The following MAP3K12 variants were observed in gnomAD, a reference collection of about 807,000 sequenced individuals.
MAP3K12 encodes MAPK-upstream kinase.
MAP3K12 carries 14 observed loss-of-function variants against 87.5 expected under a neutral mutation model. That is an observed-to-expected ratio of 0.16 (90% confidence interval 0.11 to 0.25). The LOEUF (loss-of-function observed/expected upper bound fraction) is 0.25. Among genes scored for constraint, MAP3K12 ranks in the 10% least tolerant of loss-of-function variants. The pLI is 1.00. For synonymous variants in MAP3K12, 469 were observed against 452.5 expected (o/e 1.04, Z -0.46); for missense variants, 802 against 1,140.4 (o/e 0.70, Z 4.27).
rs532619978 is a variant in MAP3K12 at position 53,485,593 on chromosome 12, TCA to T, written c.822-120_822-119del. On this transcript the variant is annotated intron_variant, in intron 4 of 13. Coordinates refer to ENST00000547488, the MANE Select transcript of MAP3K12 (RefSeq NM_001193511.2). ...TTGTTTGAGACGGAGTCTCACTCTGTCACTCAGGCTGGAGTGCAGTGGCTCAA... is the reference window on the plus strand; with the variant it reads ...TTGTTTGAGACGGAGTCTCACTCTGTCTCAGGCTGGAGTGCAGTGGCTCAA... The T allele has an allele frequency of 1.8e-3, 2,113 of 1,175,842 alleles. 3 individuals are homozygous for T. Among genetic ancestry groups the T allele is most frequent in the Non-Finnish European group, 2.3e-3 (1,938 of 827,902 alleles). The allele number at this position is 1,175,842 out of a possible 1,614,324, so 72.8% of individuals were successfully genotyped here. A position where few individuals can be genotyped will look rare whatever the true frequency, so the allele number is the denominator to read the frequency against.
At chr12:53,481,310 T>G (rs1943031096) in intron 13 of MAP3K12, 30 bp from the exon 14 acceptor site, 21 of 1,266,130 alleles carry the variant, frequency 1.7e-5, no homozygotes, top group East Asian at 8.5e-5. Context: ...TGGAGTGAGA[T>G]TCCTTGGGGT....
chr12:53,491,301 A>AAAAAAAGAAAAG (rs796169121), intron 1 of MAP3K12, among the ~76,000 whole-genome samples: 19 of 101,594 alleles, frequency 1.9e-4, no homozygotes, highest in East Asian at 9.2e-4. Flanking sequence ...AAAAAAAAAA[A>AAAAAAAGAAAAG]AAAAGAAAAG....
intron 1 of MAP3K12, among the ~76,000 whole-genome samples, chr12:53,495,943 GA>G (rs1285439991): frequency 1.3e-5 from 2 of 151,958 alleles, no homozygotes; most frequent in African/African-American, 2.4e-5. Context: ...TACTATTTAG[GA>G]AAAAAGAATC....
Position 53,486,400 on chromosome 12 carries a change from A to G in MAP3K12, c.629+39T>C, listed in dbSNP as rs1943229605. On this transcript the variant is annotated intron_variant, in intron 3 of 13. Coordinates refer to ENST00000547488, the MANE Select transcript of MAP3K12 (RefSeq NM_001193511.2). This position sits in a 1 kb window ranked among gnomAD's most constrained non-coding sequence, Gnocchi z 4.9. ...GCCCAGGAGGGTACCAGGCCTTAGC[A>G]TAGTATCCCCAACACCCAGCCCCTG... The G allele has an allele frequency of 6.2e-7, 1 of 1,606,422 alleles. No individual in the cohort carries two copies. Among genetic ancestry groups the G allele is most frequent in the Non-Finnish European group, 8.5e-7 (1 of 1,175,338 alleles).
chr12:53,495,579 C>T (rs896851055), intron 1 of MAP3K12, among the ~76,000 whole-genome samples: 1 of 146,364 alleles, frequency 6.8e-6, no homozygotes, highest in Admixed American at 6.9e-5. Context: ...TTGTAGAGAC[C>T]ATGTCTCATT....
chr12:53,481,480 G>A (rs1943042194), intron 13 of MAP3K12, 200 bp from the exon 14 acceptor site: 1 of 316,938 alleles, frequency 3.2e-6, no homozygotes. Context: ...CTTCTGAGTA[G>A]CTGGGACTAC....
chr12:53,501,498 G>A (rs1359174950), upstream of MAP3K12: 7 of 1,554,076 alleles, frequency 4.5e-6, no homozygotes, highest in Admixed American at 7.8e-5. Flanking sequence ...AGGGCGAAAA[G>A]CGTGGGGCCG....
At chr12:53,493,157 G>C (rs1283429273) in intron 1 of MAP3K12, 3 of 152,460 alleles carry the variant, frequency 2.0e-5, no homozygotes, top group African/African-American at 4.8e-5. Flanking sequence ...GACTGGGCCT[G>C]AGGCGGCGCG....
Position 53,481,064 on chromosome 12 carries a change from A to G in MAP3K12, c.*118T>C, listed in dbSNP as rs1218043524. ...AGGGGATCAGTCTCCCTCGAGCCTG[A>G]CTTACGGCTGGGACAGCCCCATCTT... On this transcript the variant is annotated 3_prime_UTR_variant, in exon 14 of 14. Coordinates refer to ENST00000547488, the MANE Select transcript of MAP3K12 (RefSeq NM_001193511.2). 1.2e-5 allele frequency: 4 copies of G among 345,498 alleles called. No individual in the cohort carries two copies. The East Asian group carries it at 3.4e-4, about 30-fold the overall frequency. 21.4% of individuals were successfully genotyped at this position (345,498 alleles called of 1,614,324 possible).
At position 53,482,226 on chromosome 12, in the gene MAP3K12, G is replaced by T. The variant is rs371400197; in HGVS notation, c.2310-15C>A. On this transcript the variant is annotated splice_polypyrimidine_tract_variant and intron_variant, in intron 12 of 13. Coordinates refer to ENST00000547488, the MANE Select transcript of MAP3K12 (RefSeq NM_001193511.2). ...TCTGAGGCCACCTACATGTTGAAGA[G>T]GGGGATTACAGCTTGGTTCTGCCCC... 6.2e-7 allele frequency: 1 copy of T among 1,614,030 alleles called. No homozygotes were observed. Among genetic ancestry groups the T allele is most frequent in the South Asian group, 1.1e-5 (1 of 91,088 alleles).
At chr12:53,481,820 AT>A in intron 13 of MAP3K12, 120 bp downstream of exon 13, 1 of 1,247,146 alleles carries the variant, frequency 8.0e-7, no homozygotes, top group Non-Finnish European at 1.1e-6. Flanking sequence ...CCACGTGGAT[AT>A]TTGCTCTTTA....
chr12:53,484,444 G>T, intron 6 of MAP3K12, 79 bp from the exon 7 acceptor site: 1 of 1,013,988 alleles, frequency 9.9e-7, no homozygotes, highest in Non-Finnish European at 1.5e-6. Flanking sequence ...CTTTCCCAAA[G>T]TGTGTCCTGG....
In MAP3K12 at chr12:53,481,253, AGTC is replaced by A; in HGVS notation, c.2605_2607del (p.Asp869del). On this transcript the variant is annotated inframe_deletion, in exon 14 of 14. Transcript: ENST00000547488. The stretch of plus-strand genomic sequence containing the variant: ...GAGTTGTCCAATTCAGTGCTGTCAC[AGTC>A]TGAGTCCTCAGAATTGGGAGGGCCC... 3.8e-6 allele frequency: 6 copies of A among 1,566,794 alleles called. No individual in the cohort carries two copies. Among genetic ancestry groups the A allele is most frequent in the Non-Finnish European group, 5.2e-6 (6 of 1,156,922 alleles).
chr12:53,482,873 G>A lies in MAP3K12; in HGVS notation c.1930C>T (p.Pro644Ser), dbSNP rs1396604965. Residue 644 changes from proline to serine, a missense_variant, in exon 11 of 14, where the codon CCA (proline) becomes TCA (serine). By Grantham distance (74) the Pro-to-Ser change is moderately conservative. Transcript: ENST00000547488. ...CCTAGTGCTGCTGACAGCAGGTCTG[G>A]GGACGATGAAGACATTTTGCGGAGC... The part of the protein sequence containing the change: ...LLLRKMSSSS[P>S]DLLSAALGSR... The A allele has an allele frequency of 1.2e-6, 2 of 1,612,984 alleles. No individual in the cohort carries two copies. The highest frequency in any genetic ancestry group is 2.2e-5 in the South Asian group (2 of 90,984).
At chr12:53,501,509 T>A (rs1195338716), upstream of MAP3K12, 5 of 1,551,432 alleles carry the variant, frequency 3.2e-6, no homozygotes, top group East Asian at 1.2e-4. Context: ...CGTGGGGCCG[T>A]GCGGAGGGAG....
Position 53,481,263 on chromosome 12 carries a change from C to G in MAP3K12, c.2598G>C (p.Glu866Asp). Residue 866 changes from glutamate (E) to aspartate (D), a missense_variant, in exon 14 of 14, where the codon GAG becomes GAC. By Grantham distance (45) the Glu-to-Asp change is conservative (BLOSUM62 2). Transcript: ENST00000547488. ...ATTCAGTGCTGTCACAGTCTGAGTCCTCAGAATTGGGAGGGCCCTGTGAGA... is the reference window on the plus strand; with the variant it reads ...ATTCAGTGCTGTCACAGTCTGAGTCGTCAGAATTGGGAGGGCCCTGTGAGA... ...LLRERGPPNS[E>D]DSDCDSTELD... The G allele has an allele frequency of 6.4e-7, 1 of 1,562,556 alleles. No individual in the cohort carries two copies.
At position 53,487,353 on chromosome 12, in the gene MAP3K12, G is replaced by A; in HGVS notation, c.39C>T (p.Ser13=). The A allele has an allele frequency of 6.2e-7, 1 of 1,613,792 alleles. No homozygotes were observed. The highest frequency in any genetic ancestry group is 1.1e-5 in the South Asian group (1 of 91,062). Residue 13 remains serine, a synonymous_variant, in exon 2 of 14, where the codon TCC becomes TCT. Coordinates refer to ENST00000547488, the MANE Select transcript of MAP3K12 (RefSeq NM_001193511.2). ...CLHETRTPSP[S]FGGFVSTLSE... Reference sequence around the variant, plus strand: ...TTAGGGTAGACACAAAGCCCCCAAAGGAAGGAGAGGGTGTTCGGGTCTCAT... The same window carrying A: ...TTAGGGTAGACACAAAGCCCCCAAAAGAAGGAGAGGGTGTTCGGGTCTCAT...
chr12:53,483,791 CAG>C, intron 8 of MAP3K12, 68 bp from the exon 9 acceptor site: 1 of 1,612,408 alleles, frequency 6.2e-7, no homozygotes. Flanking sequence ...ATCTCAGTCT[CAG>C]AATTCCTGTC....
chr12:53,483,819 G>C (rs893807929), intron 8 of MAP3K12, 92 bp downstream of exon 8: 1 of 1,611,350 alleles, frequency 6.2e-7, no homozygotes, highest in Non-Finnish European at 8.5e-7. Context: ...TCCTTTCGTA[G>C]TCCTTCCACC....
Sources: allele counts gnomAD v4.1 joint callset (sites outside exome capture counted in the v4.1 genomes callset), GRCh38; gene constraint gnomAD v4.1.1; non-coding constraint Gnocchi (gnomAD v3.1); transcripts MANE v1.5; gene names NCBI Gene and HGNC (gene_info 2026-07-23, HGNC 2026-07-21).